Variants in CREB5 observed in about 807,000 individuals in gnomAD.
CREB5 encodes cAMP responsive element binding protein 5, also known as cyclic AMP-responsive element-binding protein 5.
A neutral mutation model predicts 57.1 loss-of-function variants in CREB5; 19 were observed. The ratio of observed to expected loss-of-function variants is 0.33; its 90% CI spans 0.23 to 0.49. CREB5 has a LOEUF of 0.49. CREB5 is among the 20% of genes least tolerant of loss of function. The pLI, the probability that CREB5 is intolerant of heterozygous loss-of-function variation, is 0.99. For synonymous variants in CREB5, 238 were observed against 238.3 expected (o/e 1.00, Z 0.01); for missense variants, 579 against 671.6 (o/e 0.86, Z 1.52).
At chr7:28,580,807 C>T (rs1404154993) in intron 5 of CREB5, among the ~76,000 whole-genome samples, 1 of 152,116 alleles carries the variant, frequency 6.6e-6, no homozygotes, top group Non-Finnish European at 1.5e-5. Context: ...AAGGCCCGAC[C>T]AATCACCCAC....
At chr7:28,529,337 C>T (rs747221147) in intron 4 of CREB5, among the ~76,000 whole-genome samples, 1 of 150,882 alleles carries the variant, frequency 6.6e-6, no homozygotes, top group East Asian at 2.0e-4. Flanking sequence ...CTTCCCTGTG[C>T]TCCCTGCAGA....
At position 28,591,216 on chromosome 7, in the gene CREB5, A is replaced by T. The variant is rs114639876; in HGVS notation, c.464+20679A>T. On this transcript the variant is annotated intron_variant, in intron 5 of 10. Transcript: ENST00000357727. ...CCAAAGGGCATCATGTTTCCTCTACACAGCTTCTGGGTCTTCCTTTGTAGC... is the reference window on the plus strand; with the variant it reads ...CCAAAGGGCATCATGTTTCCTCTACTCAGCTTCTGGGTCTTCCTTTGTAGC... Among the ~76,000 whole-genome samples, 533 of 152,296 alleles carry T rather than the reference A, an allele frequency of 3.5e-3. 2 individuals are homozygous for T. The highest frequency in any genetic ancestry group is 0.012 in the African/African-American group (495 of 41,572).
intron 1 of CREB5, among the ~76,000 whole-genome samples, chr7:28,396,460 T>A (rs1787337581): frequency 6.6e-6 from 1 of 152,194 alleles, no homozygotes; most frequent in Non-Finnish European, 1.5e-5. Flanking sequence ...AATTCTATAA[T>A]ATATACTAAT....
chr7:28,508,775 T>G (rs1343925343), intron 4 of CREB5, among the ~76,000 whole-genome samples: 1 of 152,182 alleles, frequency 6.6e-6, no homozygotes, highest in Non-Finnish European at 1.5e-5. Flanking sequence ...CTCGTTTTAC[T>G]TATTTATAAT....
chr7:28,427,510 T>C (rs1242803007), intron 1 of CREB5, among the ~76,000 whole-genome samples: 3 of 152,128 alleles, frequency 2.0e-5, no homozygotes, highest in African/African-American at 7.2e-5. Context: ...TGAAAAATCT[T>C]CCTTTAGGGT....
chr7:28,685,967 C>T (rs1348775531), intron 5 of CREB5: 11 of 580,090 alleles, frequency 1.9e-5, no homozygotes, highest in East Asian at 6.0e-5. Context: ...GGGAGGAGGG[C>T]GAGACCAGGA....
intron 5 of CREB5, among the ~76,000 whole-genome samples, chr7:28,630,384 A>G (rs764629190): frequency 5.3e-5 from 8 of 152,172 alleles, no homozygotes; most frequent in Non-Finnish European, 1.0e-4. Flanking sequence ...CCTACTCCTA[A>G]TAGCAACTTC....
chr7:28,405,324 G>C (rs4523141), intron 1 of CREB5, among the ~76,000 whole-genome samples: 5 of 152,120 alleles, frequency 3.3e-5, no homozygotes, highest in African/African-American at 4.8e-5. Flanking sequence ...AGTGGGAAAA[G>C]GTCACTCTGA....
chr7:28,426,206 A>T (rs73090571), intron 1 of CREB5, among the ~76,000 whole-genome samples: 1,641 of 152,328 alleles, frequency 0.011, 15 homozygotes, highest in Non-Finnish European at 0.017. Flanking sequence ...AACTTAGCAA[A>T]GGGCTACAAT....
intron 7 of CREB5, among the ~76,000 whole-genome samples, chr7:28,799,473 C>G (rs1808243152): frequency 6.6e-6 from 1 of 152,174 alleles, no homozygotes; most frequent in Admixed American, 6.5e-5. Flanking sequence ...GCATTATTGT[C>G]TTGGCCTTAA....
intron 7 of CREB5, among the ~76,000 whole-genome samples, chr7:28,769,210 G>A (rs1806181700): frequency 1.3e-5 from 2 of 152,362 alleles, no homozygotes; most frequent in South Asian, 4.1e-4. Context: ...AGCTCATTCA[G>A]TGGATATCTT....
chr7:28,548,715 A>G (rs1194558563), intron 4 of CREB5, among the ~76,000 whole-genome samples: 1 of 152,188 alleles, frequency 6.6e-6, no homozygotes, highest in Non-Finnish European at 1.5e-5. Context: ...TCACACAACC[A>G]GCTGTCCTAA....
At chr7:28,491,619 C>G (rs1320144920) in intron 2 of CREB5, among the ~76,000 whole-genome samples, 1 of 152,142 alleles carries the variant, frequency 6.6e-6, no homozygotes, top group Non-Finnish European at 1.5e-5. Context: ...AACTCGATGT[C>G]TTCATTTAAT....
At chr7:28,741,318 A>G (rs1437145021) in intron 7 of CREB5, among the ~76,000 whole-genome samples, 2 of 152,172 alleles carry the variant, frequency 1.3e-5, no homozygotes, top group African/African-American at 4.8e-5. Context: ...TATCTGAAAG[A>G]GCCTCCCTCC....
chr7:28,718,308 T>A (rs1802816110), intron 5 of CREB5, among the ~76,000 whole-genome samples: 1 of 152,006 alleles, frequency 6.6e-6, no homozygotes. Flanking sequence ...ATCCAGAGAG[T>A]GAAAGTGTTT....
chr7:28,799,985 A>C (rs915461983), intron 7 of CREB5, among the ~76,000 whole-genome samples: 9 of 152,210 alleles, frequency 5.9e-5, no homozygotes, highest in African/African-American at 2.2e-4. Context: ...CATTCCACAA[A>C]TATGAATTCA....
intron 5 of CREB5, among the ~76,000 whole-genome samples, chr7:28,636,506 A>G (rs1246012027): frequency 2.0e-5 from 3 of 152,020 alleles, no homozygotes; most frequent in Non-Finnish European, 4.4e-5. Flanking sequence ...TGTGGCACTT[A>G]CTTCTGCTAT....
At chr7:28,517,003 C>T (rs550262527) in intron 4 of CREB5, among the ~76,000 whole-genome samples, 9 of 152,288 alleles carry the variant, frequency 5.9e-5, no homozygotes, top group African/African-American at 2.2e-4. Context: ...CGAGGCCCTG[C>T]ATTAATACTC....
At chr7:28,799,567 T>C (rs928234736) in intron 7 of CREB5, among the ~76,000 whole-genome samples, 1 of 152,238 alleles carries the variant, frequency 6.6e-6, no homozygotes, top group African/African-American at 2.4e-5. Flanking sequence ...ATCTGGTGCA[T>C]CGTATTTATT....
Sources: allele counts gnomAD v4.1 joint callset (sites outside exome capture counted in the v4.1 genomes callset), GRCh38; gene constraint gnomAD v4.1.1; transcripts MANE v1.5; gene names NCBI Gene and HGNC (gene_info 2026-07-23, HGNC 2026-07-21).